TBCK: variants seen among roughly 807,000 people sequenced by gnomAD.
TBCK encodes TBC1 domain containing kinase.
In TBCK, 99 loss-of-function variants were observed where a neutral mutation model predicts 113.4. The ratio of observed to expected loss-of-function variants is 0.87; its 90% CI spans 0.74 to 1.03. The LOEUF is 1.03. TBCK is among the 50% of genes least tolerant of loss of function. TBCK has a pLI of 0.00. For missense variants in TBCK, 1,045 were observed against 1,061.3 expected, an observed-to-expected ratio of 0.98 and a Z score of 0.21; for synonymous variants, 369 against 370.8, an observed-to-expected ratio of 1.00 and a Z score of 0.05.
intron 25 of TBCK, among the ~76,000 whole-genome samples, chr4:106,057,765 G>A (rs1235191362): frequency 6.6e-6 from 1 of 151,734 alleles, no homozygotes; most frequent in Non-Finnish European, 1.5e-5. Context: ...ACTATTTCCA[G>A]AACTTTAATT....
In TBCK at chr4:106,216,033, A is replaced by G. The variant is rs1171720416; in HGVS notation, c.1775-3198T>C. ...CAAACTATCTCTCAGACCACAGTGC[A>G]ATCAAACTAGAACTCAGGATTAAGA... On this transcript the variant is annotated intron_variant, in intron 19 of 25. Transcript: ENST00000394708. 1.4e-4 allele frequency among the ~76,000 whole-genome samples: 21 copies of G among 151,424 alleles called. No individual in the cohort carries two copies. In the East Asian group the frequency reaches 3.5e-3, roughly 25 times the overall value.
intron 25 of TBCK, among the ~76,000 whole-genome samples, chr4:106,090,902 C>CT (rs1740146305): frequency 6.6e-6 from 1 of 152,212 alleles, no homozygotes; most frequent in Non-Finnish European, 1.5e-5. Context: ...TAATCAGTCT[C>CT]TAAGAAGTTT....
At chr4:106,269,465 C>G (rs1461824210) in intron 3 of TBCK, among the ~76,000 whole-genome samples, 1 of 151,700 alleles carries the variant, frequency 6.6e-6, no homozygotes, top group Non-Finnish European at 1.5e-5. Context: ...TTTAACAGAG[C>G]AAAAAGGATG....
At position 106,095,493 on chromosome 4, in the gene TBCK, GT is replaced by G; in HGVS notation, c.2559del (p.Lys853AsnfsTer11). 6.2e-7 allele frequency: 1 copy of G among 1,613,832 alleles called. No individual in the cohort carries two copies. The highest frequency in any genetic ancestry group is 8.5e-7 in the Non-Finnish European group (1 of 1,179,862). On this transcript the variant is annotated frameshift_variant, in exon 25 of 26. Coordinates refer to ENST00000394708, the MANE Select transcript of TBCK (RefSeq NM_001163435.3). LOFTEE classifies it high-confidence loss of function. ...CTGAATATACTTACCTCAGCTGTGTGTTTTGCCACATGCCCCACGATGACAA... is the reference window on the plus strand; with the variant it reads ...CTGAATATACTTACCTCAGCTGTGTGTTTGCCACATGCCCCACGATGACAA... ...KVIVIVGHVA[K>X]HTAEFAAHLV...
At chr4:106,087,171 T>G (rs1560624544) in intron 25 of TBCK, among the ~76,000 whole-genome samples, 1 of 152,248 alleles carries the variant, frequency 6.6e-6, no homozygotes, top group Non-Finnish European at 1.5e-5. Flanking sequence ...CATGATTTTA[T>G]ATTTATAAAA....
In TBCK at chr4:106,043,991, T is replaced by G. The variant is rs1181675723; in HGVS notation, c.*2579A>C. On this transcript the variant is annotated 3_prime_UTR_variant, in exon 26 of 26. Transcript: ENST00000394708. ...TGGCAGTGATAGTGTGCTCTTACTT[T>G]ACTGTTGAGAATATTAAATATTATA... 6.6e-6 allele frequency: 1 copy of G among 152,218 alleles called. No individual in the cohort carries two copies. Among genetic ancestry groups the G allele is most frequent in the Non-Finnish European group, 1.5e-5 (1 of 68,038 alleles). The allele number at this position is 152,218 out of a possible 1,614,324, so 9.4% of individuals were successfully genotyped here.
At chr4:106,191,480 T>C (rs1291780559) in intron 22 of TBCK, among the ~76,000 whole-genome samples, 39 of 152,174 alleles carry the variant, frequency 2.6e-4, no homozygotes. Flanking sequence ...AAATAATATT[T>C]TGTTCAGGAA....
chr4:106,214,175 A>T (rs1039995257), intron 19 of TBCK, among the ~76,000 whole-genome samples: 9 of 152,166 alleles, frequency 5.9e-5, no homozygotes, highest in African/African-American at 2.2e-4. Flanking sequence ...TTAGAAGGAA[A>T]ACTAACAAAC....
intron 20 of TBCK, among the ~76,000 whole-genome samples, chr4:106,200,111 CATCTCT>C (rs1754709648): frequency 1.3e-5 from 2 of 152,216 alleles, no homozygotes; most frequent in South Asian, 4.1e-4. Context: ...TGCTCCTCCA[CATCTCT>C]GATATGCTTC....
intron 25 of TBCK, among the ~76,000 whole-genome samples, chr4:106,072,863 T>A (rs769493718): frequency 6.6e-6 from 1 of 152,208 alleles, no homozygotes; most frequent in Non-Finnish European, 1.5e-5. Flanking sequence ...CAATCACTGA[T>A]ACGCTTCTTT....
intron 25 of TBCK, among the ~76,000 whole-genome samples, chr4:106,050,514 G>C (rs1330415102): frequency 6.6e-6 from 1 of 151,990 alleles, no homozygotes; most frequent in Admixed American, 6.6e-5. Context: ...TAAATATTAT[G>C]CTGGAAATCA....
chr4:106,200,008 T>C (rs1754695008), intron 20 of TBCK, among the ~76,000 whole-genome samples: 1 of 152,192 alleles, frequency 6.6e-6, no homozygotes. Flanking sequence ...AAAGTCCTAA[T>C]GATGATCAAC....
chr4:106,231,232 A>C (rs1163944640), intron 18 of TBCK, among the ~76,000 whole-genome samples: 5 of 151,152 alleles, frequency 3.3e-5, no homozygotes, highest in African/African-American at 1.2e-4. Flanking sequence ...GAAAAAAAAA[A>C]CCTGCCATTG....
chr4:106,066,576 G>A (rs995276931), intron 25 of TBCK, among the ~76,000 whole-genome samples: 38 of 152,036 alleles, frequency 2.5e-4, no homozygotes, highest in African/African-American at 8.4e-4. Context: ...GTAGAATTCA[G>A]TGGTTTTAAG....
At chr4:106,087,109 AG>A (rs1345565802) in intron 25 of TBCK, among the ~76,000 whole-genome samples, 5 of 152,236 alleles carry the variant, frequency 3.3e-5, no homozygotes, top group Admixed American at 3.3e-4. Context: ...AAAGAAATAA[AG>A]GGTATTCAAA....
chr4:106,113,150 C>A (rs915760039), intron 24 of TBCK, among the ~76,000 whole-genome samples: 1 of 152,144 alleles, frequency 6.6e-6, no homozygotes, highest in Non-Finnish European at 1.5e-5. Flanking sequence ...GGGTGGCCTA[C>A]AAAAATTAAA....
chr4:106,209,170 T>C (rs1354951385), intron 20 of TBCK, among the ~76,000 whole-genome samples: 1 of 152,224 alleles, frequency 6.6e-6, no homozygotes, highest in Non-Finnish European at 1.5e-5. Context: ...TGCAGAACTT[T>C]TTTACAAGAA....
chr4:106,274,616 A>G (rs1763821417), intron 3 of TBCK, among the ~76,000 whole-genome samples: 1 of 152,186 alleles, frequency 6.6e-6, no homozygotes, highest in Non-Finnish European at 1.5e-5. Flanking sequence ...TGAAAAGGTC[A>G]GGGTAGGTAA....
At chr4:106,098,916 A>G (rs915477471) in intron 24 of TBCK, among the ~76,000 whole-genome samples, 1 of 152,076 alleles carries the variant, frequency 6.6e-6, no homozygotes, top group African/African-American at 2.4e-5. Context: ...ATTTGCATTA[A>G]ACAGAATTTG....
Sources: gnomAD v4.1 joint callset for allele counts (sites outside exome capture counted in the v4.1 genomes callset) on GRCh38, gnomAD v4.1.1 for gene constraint, MANE v1.5 for transcripts, NCBI Gene and HGNC (gene_info 2026-07-23, HGNC 2026-07-21) for gene names.